Variants in EML1 observed in about 807,000 individuals in gnomAD.
EML1 encodes echinoderm microtubule-associated protein-like 1.
A neutral mutation model predicts 110.4 loss-of-function variants in EML1; 27 were observed. The observed-to-expected ratio is 0.24, with a 90% CI of 0.18 to 0.34. The LOEUF is 0.34. EML1 is among the 10% of genes least tolerant of loss of function. The pLI is 1.00. For missense variants in EML1, 741 were observed against 1,030.9 expected, an observed-to-expected ratio of 0.72 and a Z score of 3.85; for synonymous variants, 344 against 385.8, an observed-to-expected ratio of 0.89 and a Z score of 1.27.
chr14:99,823,948 C>T (rs2058307291), intron 1 of EML1, among the ~76,000 whole-genome samples: 1 of 152,024 alleles, frequency 6.6e-6, no homozygotes, highest in Non-Finnish European at 1.5e-5. Flanking sequence ...CTTTCCCATG[C>T]ATCATCTCTC....
intron 1 of EML1, among the ~76,000 whole-genome samples, chr14:99,775,236 C>T (rs559841149): frequency 3.3e-5 from 5 of 152,248 alleles, no homozygotes; most frequent in African/African-American, 9.6e-5. Flanking sequence ...AGGAGGGATC[C>T]GATCTCTGTT....
chr14:99,850,313 GT>G (rs768426849), intron 1 of EML1: 101 of 1,288,948 alleles, frequency 7.8e-5, no homozygotes, highest in Non-Finnish European at 9.9e-5. Flanking sequence ...CTGATAAGGA[GT>G]TGGAAATTAT....
intron 1 of EML1, chr14:99,838,954 G>C (rs1217959827): frequency 3.5e-5 from 4 of 115,642 alleles, no homozygotes; most frequent in Non-Finnish European, 8.0e-5. Context: ...CATGTTTGTA[G>C]TATTTAGTAA....
At chr14:99,787,787 A>G (rs2057617160) in intron 1 of EML1, among the ~76,000 whole-genome samples, 1 of 149,092 alleles carries the variant, frequency 6.7e-6, no homozygotes, top group African/African-American at 2.6e-5. Context: ...TCTTCACTTT[A>G]TCTTCCCTCT....
At chr14:99,787,955 A>C (rs1351222254) in intron 1 of EML1, among the ~76,000 whole-genome samples, 2 of 152,216 alleles carry the variant, frequency 1.3e-5, no homozygotes, top group African/African-American at 2.4e-5. Context: ...GGACTTCAAC[A>C]GATGAATTTT....
intron 1 of EML1, among the ~76,000 whole-genome samples, chr14:99,817,265 C>A (rs1264490222): frequency 6.6e-6 from 1 of 152,180 alleles, no homozygotes; most frequent in African/African-American, 2.4e-5. Context: ...AAATGATGTT[C>A]CCTCAGAAGA....
chr14:99,846,993 G>T (rs1263889567), intron 1 of EML1, among the ~76,000 whole-genome samples: 2 of 152,170 alleles, frequency 1.3e-5, no homozygotes, highest in African/African-American at 4.8e-5. Flanking sequence ...TGGTTTTAAA[G>T]CTATTAGTTT....
intron 13 of EML1, 125 bp downstream of exon 13, chr14:99,911,701 G>A: frequency 9.5e-7 from 1 of 1,047,590 alleles, no homozygotes; most frequent in African/African-American, 1.7e-5. Context: ...TTATATGGGA[G>A]CAATGTATTT....
At chr14:99,782,198 G>A (rs2057547488) in intron 1 of EML1, among the ~76,000 whole-genome samples, 1 of 151,650 alleles carries the variant, frequency 6.6e-6, no homozygotes, top group Non-Finnish European at 1.5e-5. Flanking sequence ...TTCCATTGAA[G>A]AGGTGGCTGC....
At chr14:99,757,337 T>C (rs1018119017) in intron 1 of EML1, among the ~76,000 whole-genome samples, 2 of 140,444 alleles carry the variant, frequency 1.4e-5, no homozygotes, top group African/African-American at 2.7e-5. Flanking sequence ...CGACTCCATT[T>C]CAAAAAAAAA....
chr14:99,938,524 A>C (rs1396354493), intron 20 of EML1, among the ~76,000 whole-genome samples: 3 of 152,162 alleles, frequency 2.0e-5, no homozygotes, highest in South Asian at 2.1e-4. Context: ...GTATTGTTGA[A>C]AGGGTTTCCC....
At chr14:99,890,966 A>T (rs556942652) in intron 4 of EML1, among the ~76,000 whole-genome samples, 1 of 152,220 alleles carries the variant, frequency 6.6e-6, no homozygotes, top group East Asian at 1.9e-4. Context: ...CATAAAAAGC[A>T]CAACTTTGGT....
At chr14:99,869,029 A>G (rs2059150603) in intron 3 of EML1, among the ~76,000 whole-genome samples, 1 of 152,130 alleles carries the variant, frequency 6.6e-6, no homozygotes, top group Non-Finnish European at 1.5e-5. Flanking sequence ...ATATTTTTAA[A>G]ATTTCTTTGT....
intron 1 of EML1, among the ~76,000 whole-genome samples, chr14:99,811,624 A>G (rs1474374614): frequency 2.1e-5 from 3 of 141,086 alleles, no homozygotes; most frequent in South Asian, 2.4e-4. Context: ...GCAACACGAT[A>G]AAACCCTGTC....
intron 3 of EML1, among the ~76,000 whole-genome samples, chr14:99,876,220 G>A (rs2059288988): frequency 6.6e-6 from 1 of 152,148 alleles, no homozygotes; most frequent in Admixed American, 6.5e-5. Flanking sequence ...GGAGCTGCCT[G>A]GATGGGAGGC....
intron 5 of EML1, among the ~76,000 whole-genome samples, chr14:99,891,664 A>G (rs896650740): frequency 1.3e-5 from 2 of 152,200 alleles, no homozygotes; most frequent in Non-Finnish European, 1.5e-5. Flanking sequence ...TTTTCTGCCT[A>G]TGATCTCCTA....
chr14:99,769,520 G>C (rs2057401447), upstream of EML1, among the ~76,000 whole-genome samples: 1 of 152,194 alleles, frequency 6.6e-6, no homozygotes, highest in Non-Finnish European at 1.5e-5. Context: ...ATTCTCCCCA[G>C]GGCCATGCAT....
chr14:99,898,206 G>T, intron 7 of EML1, 27 bp from the exon 8 acceptor site: 1 of 1,562,634 alleles, frequency 6.4e-7, no homozygotes, highest in South Asian at 1.2e-5. Context: ...GCAACATGTA[G>T]ATGTTTTGTA....
intron 1 of EML1, among the ~76,000 whole-genome samples, chr14:99,798,632 T>G (rs537069351): frequency 6.6e-6 from 1 of 152,266 alleles, no homozygotes; most frequent in African/African-American, 2.4e-5. Flanking sequence ...CCTCAGGTGA[T>G]CTACCCTTCT....
Sources: allele counts gnomAD v4.1 joint callset (sites outside exome capture counted in the v4.1 genomes callset), GRCh38; gene constraint gnomAD v4.1.1; transcripts MANE v1.5; gene names NCBI Gene and HGNC (gene_info 2026-07-23, HGNC 2026-07-21).